Variants in ZDHHC15 observed in about 807,000 individuals in gnomAD.
ZDHHC15 encodes the protein palmitoyltransferase ZDHHC15.
ZDHHC15 carries 19 observed loss-of-function variants against 31.7 expected under a neutral mutation model. The ratio of observed to expected loss-of-function variants is 0.60; its 90% CI spans 0.42 to 0.88. The LOEUF (loss-of-function observed/expected upper bound fraction) is 0.88. ZDHHC15 is among the 40% of genes least tolerant of loss of function. The pLI, the probability that ZDHHC15 is intolerant of heterozygous loss-of-function variation, is 0.00. For synonymous variants in ZDHHC15, 103 were observed against 90.0 expected, an observed-to-expected ratio of 1.14 and a Z score of -0.82; for missense variants, 209 against 251.2, an observed-to-expected ratio of 0.83 and a Z score of 1.14.
chrX:75,403,327 G>A (rs1428877683), intron 10 of ZDHHC15, among the ~76,000 whole-genome samples: 1 of 111,876 alleles, frequency 8.9e-6, no homozygotes, highest in East Asian at 2.8e-4. Context: ...CACAAGACAA[G>A]GTTGTCCTCT....
At chrX:75,515,191 T>C (rs1312243352) in intron 1 of ZDHHC15, among the ~76,000 whole-genome samples, 1 of 111,071 alleles carries the variant, frequency 9.0e-6, no homozygotes, top group Admixed American at 9.6e-5. Context: ...CTCCAATAAA[T>C]AGTAAAAGAG....
chrX:75,435,059 G>A (rs1180320373), intron 4 of ZDHHC15, among the ~76,000 whole-genome samples: 1 of 111,759 alleles, frequency 8.9e-6, no homozygotes, highest in Non-Finnish European at 1.9e-5. Context: ...CATGTCCTTG[G>A]TTAGGTATAT....
rs1325446057 is a variant in ZDHHC15, at chrX:75,429,145, G to A, written c.536C>T (p.Ala179Val). 8.3e-7 allele frequency: 1 copy of A among 1,206,678 alleles called. No homozygotes were observed. The highest frequency in any genetic ancestry group is 3.0e-5 in the East Asian group (1 of 33,634). The change falls in exon 7 of 12, where the codon GCT becomes GTT. Residue 179 changes from alanine (A) to valine (V), a missense_variant. Coordinates refer to ENST00000373367, the MANE Select transcript of ZDHHC15 (RefSeq NM_144969.3). ...GTACAGGCAGTAGAGAACAGAGTAA[G>A]CTAAGAATTGAAGGAAGAATTTGTA... ...SNYKFFLQFL[A>V]YSVLYCLYIA...
At chrX:75,423,839 C>A (rs1288885206) in intron 8 of ZDHHC15, among the ~76,000 whole-genome samples, 1 of 109,414 alleles carries the variant, frequency 9.1e-6, no homozygotes, top group African/African-American at 3.3e-5. Context: ...GCATTATTAG[C>A]AAACAAATTC....
chrX:75,467,835 T>C (rs1418866958), intron 3 of ZDHHC15, among the ~76,000 whole-genome samples: 3 of 111,379 alleles, frequency 2.7e-5, no homozygotes, highest in African/African-American at 9.8e-5. Flanking sequence ...GTGCAACCAT[T>C]ACCGCTATCT....
At chrX:75,521,812 A>G (rs1279718097) in intron 1 of ZDHHC15, among the ~76,000 whole-genome samples, 1 of 111,666 alleles carries the variant, frequency 9.0e-6, no homozygotes, top group African/African-American at 3.3e-5. Flanking sequence ...AAGAAATCCC[A>G]AAGGAAGTGG....
At chrX:75,469,651 C>A (rs1260601386) in intron 3 of ZDHHC15, among the ~76,000 whole-genome samples, 1 of 111,760 alleles carries the variant, frequency 8.9e-6, no homozygotes, top group Non-Finnish European at 1.9e-5. Flanking sequence ...TTGCTTCCAC[C>A]TTTTGGCTAT....
chrX:75,495,101 C>G (rs962774594), intron 2 of ZDHHC15, among the ~76,000 whole-genome samples: 1 of 111,417 alleles, frequency 9.0e-6, no homozygotes, highest in Non-Finnish European at 1.9e-5. Context: ...AAAAACAACC[C>G]CATCAAAAAG....
At chrX:75,393,833 GAGGAGCAAGGA>G (rs2083271232) in intron 10 of ZDHHC15, among the ~76,000 whole-genome samples, 1 of 111,943 alleles carries the variant, frequency 8.9e-6, no homozygotes, top group Non-Finnish European at 1.9e-5. Context: ...TCTGCAGGCT[GAGGAGCAAGGA>G]GAGCCAGTCC....
intron 2 of ZDHHC15, among the ~76,000 whole-genome samples, chrX:75,483,046 CATAT>C (rs1270741821): frequency 1.1e-5 from 1 of 95,232 alleles, no homozygotes; most frequent in African/African-American, 4.1e-5. Flanking sequence ...TACATATATA[CATAT>C]ATACACATAT....
chrX:75,447,773 T>C (rs2084054361), intron 4 of ZDHHC15, among the ~76,000 whole-genome samples: 1 of 111,224 alleles, frequency 9.0e-6, no homozygotes, highest in African/African-American at 3.3e-5. Context: ...GAGGTGTTAG[T>C]CCCAGAGGGA....
chrX:75,395,496 G>A (rs1427887922), intron 10 of ZDHHC15, among the ~76,000 whole-genome samples: 1 of 111,151 alleles, frequency 9.0e-6, no homozygotes, highest in Non-Finnish European at 1.9e-5. Context: ...AACCAAAGAA[G>A]TGAAAAATAT....
intron 3 of ZDHHC15, among the ~76,000 whole-genome samples, chrX:75,451,319 C>T: frequency 8.9e-6 from 1 of 111,916 alleles, no homozygotes; most frequent in Non-Finnish European, 1.9e-5. Flanking sequence ...TGATAATTAA[C>T]CATGCTTACC....
intron 4 of ZDHHC15, among the ~76,000 whole-genome samples, chrX:75,440,438 C>A (rs1449308468): frequency 9.0e-6 from 1 of 111,084 alleles, no homozygotes; most frequent in African/African-American, 3.3e-5. Flanking sequence ...CACCACCATG[C>A]CCAGCTAATT....
intron 1 of ZDHHC15, among the ~76,000 whole-genome samples, chrX:75,508,521 C>A (rs1018003245): frequency 1.8e-5 from 2 of 109,030 alleles, no homozygotes; most frequent in Non-Finnish European, 3.8e-5. Flanking sequence ...TGTATATGTG[C>A]CACATTTTCT....
chrX:75,488,288 T>C (rs572485523), intron 2 of ZDHHC15, among the ~76,000 whole-genome samples: 18 of 111,817 alleles, frequency 1.6e-4, no homozygotes, highest in Middle Eastern at 4.6e-3. Flanking sequence ...AGGTAAACTA[T>C]AAAGAAAAAC....
chrX:75,518,029 ACC>A lies in ZDHHC15; in HGVS notation c.136+4858_136+4859del, dbSNP rs1458011011. Among the ~76,000 whole-genome samples, 4 of 110,705 alleles carry A rather than the reference ACC, an allele frequency of 3.6e-5. No homozygotes were observed. The East Asian group carries it at 1.1e-3, about 31-fold the overall frequency. ...ACAAAAAACCAAAACCAACCAACCA[ACC>A]AACCAAACAAAAAAATCCCACAGGG... On this transcript the variant is annotated intron_variant, in intron 1 of 11. Coordinates refer to ENST00000373367, the MANE Select transcript of ZDHHC15 (RefSeq NM_144969.3).
At chrX:75,476,413 T>C (rs924776299) in intron 3 of ZDHHC15, among the ~76,000 whole-genome samples, 1 of 111,347 alleles carries the variant, frequency 9.0e-6, no homozygotes, top group East Asian at 2.8e-4. Context: ...TCAGATTTTT[T>C]ATTTCTTCTT....
chrX:75,408,802 A>G (rs1182551937), intron 10 of ZDHHC15, among the ~76,000 whole-genome samples: 2 of 112,717 alleles, frequency 1.8e-5, no homozygotes, highest in Non-Finnish European at 3.7e-5. Context: ...CACACCAACA[A>G]CAAACAATCT....
Sources: allele counts gnomAD v4.1 joint callset (sites outside exome capture counted in the v4.1 genomes callset), GRCh38; gene constraint gnomAD v4.1.1; transcripts MANE v1.5; gene names NCBI Gene and HGNC (gene_info 2026-07-23, HGNC 2026-07-21).